Variants in RELN observed in about 807,000 individuals in gnomAD.
RELN encodes the protein reelin.
A neutral mutation model predicts 427.6 loss-of-function variants in RELN; 108 were observed. That is an observed-to-expected ratio of 0.25 (90% CI 0.22 to 0.30). RELN has a LOEUF of 0.30. RELN is among the 10% of genes least tolerant of loss of function. The pLI is 1.00. For synonymous variants in RELN, 1,524 were observed against 1,513.4 expected (o/e 1.01, Z -0.16); for missense variants, 3,715 against 4,302.8 (o/e 0.86, Z 3.82).
chr7:103,505,436 G>A (rs1562858728), intron 51 of RELN, among the ~76,000 whole-genome samples: 1 of 152,294 alleles, frequency 6.6e-6, no homozygotes, highest in Non-Finnish European at 1.5e-5. Flanking sequence ...AGGGTCTGGA[G>A]TGGACCTCCA....
chr7:103,908,370 A>G (rs1422255261), intron 2 of RELN, among the ~76,000 whole-genome samples: 1 of 152,170 alleles, frequency 6.6e-6, no homozygotes, highest in African/African-American at 2.4e-5. Flanking sequence ...TTGAACTGAT[A>G]ATCTCATTTA....
chr7:103,881,411 C>A (rs1794603278), intron 2 of RELN, among the ~76,000 whole-genome samples: 1 of 152,138 alleles, frequency 6.6e-6, no homozygotes, highest in African/African-American at 2.4e-5. Context: ...TCTTCCTCCA[C>A]ATTCTTAACT....
intron 8 of RELN, among the ~76,000 whole-genome samples, chr7:103,707,002 T>C (rs1758162814): frequency 6.6e-6 from 1 of 152,040 alleles, no homozygotes; most frequent in South Asian, 2.1e-4. Context: ...TAGACAGGGG[T>C]CTCACTGTGT....
chr7:103,876,797 GA>G (rs776486192), intron 2 of RELN, among the ~76,000 whole-genome samples: 72 of 150,382 alleles, frequency 4.8e-4, no homozygotes, highest in Non-Finnish European at 9.6e-4. Flanking sequence ...TTAAAAAAAA[GA>G]ATGAAAAACT....
intron 3 of RELN, among the ~76,000 whole-genome samples, chr7:103,791,283 G>A (rs551972496): frequency 1.3e-5 from 2 of 152,270 alleles, no homozygotes; most frequent in East Asian, 1.9e-4. Context: ...AAGGGGCTCA[G>A]AAGAGTCAAA....
intron 1 of RELN, among the ~76,000 whole-genome samples, chr7:103,941,871 G>C (rs560027221): frequency 1.3e-5 from 2 of 152,112 alleles, no homozygotes; most frequent in South Asian, 4.1e-4. Context: ...GACAGAGAGA[G>C]AGAACTTGCA....
chr7:103,723,823 C>CA (rs200796231), intron 7 of RELN, among the ~76,000 whole-genome samples: 102 of 151,336 alleles, frequency 6.7e-4, no homozygotes, highest in African/African-American at 2.2e-3. Flanking sequence ...AAACTGTTAC[C>CA]AAAAAAAATG....
chr7:103,811,506 A>G (rs1255870453), intron 3 of RELN, among the ~76,000 whole-genome samples: 1 of 152,146 alleles, frequency 6.6e-6, no homozygotes, highest in African/African-American at 2.4e-5. Flanking sequence ...CTGTGAATTC[A>G]TTTAATGATA....
At chr7:103,825,088 A>G (rs1158227841) in intron 3 of RELN, among the ~76,000 whole-genome samples, 2 of 152,126 alleles carry the variant, frequency 1.3e-5, no homozygotes, top group Non-Finnish European at 2.9e-5. Context: ...TCATTATCAT[A>G]AAATGGGGTT....
At chr7:103,842,591 A>T (rs148831651) in intron 2 of RELN, among the ~76,000 whole-genome samples, 5 of 152,360 alleles carry the variant, frequency 3.3e-5, no homozygotes, top group Middle Eastern at 3.4e-3. Context: ...TCTTAAGTAG[A>T]GTAATGCTAC....
chr7:103,553,966 G>A (rs1033528740), intron 38 of RELN, 135 bp from the exon 39 acceptor site: 8 of 748,844 alleles, frequency 1.1e-5, no homozygotes, highest in South Asian at 4.7e-5. Flanking sequence ...CAGGAGGATT[G>A]TTTGAGCCCA....
intron 27 of RELN, among the ~76,000 whole-genome samples, chr7:103,591,035 A>G (rs963518990): frequency 6.6e-6 from 1 of 152,358 alleles, no homozygotes; most frequent in South Asian, 2.1e-4. Context: ...GCTGAGTCCA[A>G]ATGAATCAGT....
At chr7:103,502,985 G>C in intron 52 of RELN, 31 bp downstream of exon 52, 1 of 1,579,070 alleles carries the variant, frequency 6.3e-7, no homozygotes, top group African/African-American at 1.3e-5. Flanking sequence ...TGGATGCTTG[G>C]AACCAGGCTT....
chr7:103,580,156 T>C (rs1483157683), intron 28 of RELN, among the ~76,000 whole-genome samples: 12 of 152,376 alleles, frequency 7.9e-5, no homozygotes, highest in Admixed American at 7.2e-4. Flanking sequence ...ATAAGCATGT[T>C]TGCCTCATGG....
At chr7:103,800,198 T>A (rs2092563675) in intron 3 of RELN, among the ~76,000 whole-genome samples, 1 of 152,132 alleles carries the variant, frequency 6.6e-6, no homozygotes, top group South Asian at 2.1e-4. Context: ...AGTCAAATTG[T>A]CCCTTTTTGC....
At chr7:103,503,792 A>G (rs1299547724) in intron 51 of RELN, among the ~76,000 whole-genome samples, 1 of 152,016 alleles carries the variant, frequency 6.6e-6, no homozygotes, top group African/African-American at 2.4e-5. Flanking sequence ...TTCACATAAA[A>G]TCTTGGCCTA....
At chr7:103,714,672 A>G (rs1202043105) in intron 8 of RELN, among the ~76,000 whole-genome samples, 1 of 152,176 alleles carries the variant, frequency 6.6e-6, no homozygotes. Context: ...GCCGTAGCCA[A>G]AACAGCAGCA....
intron 3 of RELN, among the ~76,000 whole-genome samples, chr7:103,794,309 A>G (rs1386034356): frequency 6.6e-6 from 1 of 152,108 alleles, no homozygotes; most frequent in Non-Finnish European, 1.5e-5. Flanking sequence ...ACGAACTGCT[A>G]TATATCCCCC....
chr7:103,702,152 C>T (rs1834106872), intron 8 of RELN, among the ~76,000 whole-genome samples: 1 of 152,208 alleles, frequency 6.6e-6, no homozygotes, highest in African/African-American at 2.4e-5. Flanking sequence ...GGAAACCCAC[C>T]TTATGCTACT....
Sources: allele counts gnomAD v4.1 joint callset (sites outside exome capture counted in the v4.1 genomes callset), GRCh38; gene constraint gnomAD v4.1.1; transcripts MANE v1.5; gene names NCBI Gene and HGNC (gene_info 2026-07-23, HGNC 2026-07-21).